The following DPP10 variants were observed in gnomAD, a reference collection of about 807,000 sequenced individuals.
DPP10 encodes dipeptidyl peptidase like 10.
DPP10 carries 33 observed loss-of-function variants against 120.9 expected under a neutral mutation model. The observed-to-expected ratio is 0.27, with a 90% CI of 0.21 to 0.37. DPP10 has a LOEUF of 0.37. Among genes scored for constraint, DPP10 ranks in the 10% least tolerant of loss-of-function variants. The pLI, the probability that DPP10 is intolerant of heterozygous loss-of-function variation, is 1.00. For missense variants in DPP10, 816 were observed against 942.8 expected (o/e 0.87, Z 1.76); for synonymous variants, 337 against 326.1 (o/e 1.03, Z -0.36).
chr2:114,899,884 C>T (rs570430156), intron 1 of DPP10, among the ~76,000 whole-genome samples: 13 of 152,260 alleles, frequency 8.5e-5, no homozygotes, highest in Admixed American at 3.3e-4. Context: ...GGCGTGAACC[C>T]GGGAGGTGGA....
At chr2:114,743,603 C>G (rs1678278159) in intron 1 of DPP10, among the ~76,000 whole-genome samples, 1 of 152,120 alleles carries the variant, frequency 6.6e-6, no homozygotes, top group Non-Finnish European at 1.5e-5. Context: ...GCATCCTTAG[C>G]CTCTCTGTTG....
chr2:114,663,242 G>GTATATA (rs757487003), intron 1 of DPP10, among the ~76,000 whole-genome samples: 4 of 133,972 alleles, frequency 3.0e-5, no homozygotes, highest in South Asian at 4.6e-4. Flanking sequence ...AGCCTTGTGT[G>GTATATA]TGTATATATA....
At chr2:115,840,687 A>G (rs775492775) in intron 24 of DPP10, 63 bp from the exon 25 acceptor site, 17 of 1,479,554 alleles carry the variant, frequency 1.1e-5, no homozygotes, top group Non-Finnish European at 1.5e-5. Flanking sequence ...TTGAAAAATA[A>G]TATGAAAAAG....
At chr2:114,824,607 T>C (rs946288726) in intron 1 of DPP10, among the ~76,000 whole-genome samples, 3 of 151,576 alleles carry the variant, frequency 2.0e-5, no homozygotes, top group African/African-American at 2.4e-5. Context: ...GAGTTCCATG[T>C]TAGTTTTTTT....
intron 5 of DPP10, among the ~76,000 whole-genome samples, chr2:115,532,370 G>C (rs1458331211): frequency 6.6e-6 from 1 of 151,882 alleles, no homozygotes; most frequent in East Asian, 1.9e-4. Context: ...AAAGTCCCTA[G>C]CTTTTCGATT....
At chr2:114,569,251 G>A (rs1465824342) in intron 1 of DPP10, among the ~76,000 whole-genome samples, 1 of 152,058 alleles carries the variant, frequency 6.6e-6, no homozygotes, top group Non-Finnish European at 1.5e-5. Context: ...ATGAGGAGCT[G>A]GTAAGGGACA....
intron 1 of DPP10, among the ~76,000 whole-genome samples, chr2:114,911,395 C>T (rs1168626789): frequency 6.6e-6 from 1 of 152,076 alleles, no homozygotes; most frequent in Non-Finnish European, 1.5e-5. Flanking sequence ...AGTCATGGTG[C>T]TTAACACTAA....
rs1193765129 is a variant in DPP10, at chr2:114,497,301, ACGTG to A, written c.60+54464_60+54467del. ...TATACGTGTATACATGTACATGTAT[ACGTG>A]TATACATGTACATGTATACGTGTAT... On this transcript the variant is annotated intron_variant, in intron 1 of 25. Transcript: ENST00000410059. Among the ~76,000 whole-genome samples, 21 of 49,026 alleles carry A rather than the reference ACGTG, an allele frequency of 4.3e-4. 1 individual carries two copies. The highest frequency in any genetic ancestry group is 1.5e-3 in the African/African-American group (21 of 13,980). The allele number at this position is 49,026 out of a possible 152,430, so 32.2% of individuals were successfully genotyped here. A position where few individuals can be genotyped will look rare whatever the true frequency, so the allele number is the denominator to read the frequency against.
At chr2:115,607,048 C>CCTACCAAAAGG (rs2083748322) in intron 5 of DPP10, among the ~76,000 whole-genome samples, 2 of 151,964 alleles carry the variant, frequency 1.3e-5, no homozygotes. Context: ...GGCAAGGATC[C>CCTACCAAAAGG]TAGGAAGAAA....
At chr2:115,377,845 C>T (rs1218735001) in intron 3 of DPP10, among the ~76,000 whole-genome samples, 5 of 152,084 alleles carry the variant, frequency 3.3e-5, no homozygotes, top group Non-Finnish European at 7.3e-5. Flanking sequence ...TCAGGTTTGT[C>T]AAAGATCAGA....
intron 3 of DPP10, among the ~76,000 whole-genome samples, chr2:115,435,405 T>C (rs1423221835): frequency 6.6e-6 from 1 of 151,874 alleles, no homozygotes; most frequent in East Asian, 1.9e-4. Context: ...TGTGATGAGA[T>C]GGTGTCTCAT....
chr2:115,225,471 A>G (rs761309267), intron 1 of DPP10, among the ~76,000 whole-genome samples: 4 of 149,640 alleles, frequency 2.7e-5, no homozygotes, highest in Non-Finnish European at 3.0e-5. Flanking sequence ...AAACACTTAT[A>G]TATTGAAGTC....
At chr2:115,759,529 A>G (rs1679840167) in intron 11 of DPP10, among the ~76,000 whole-genome samples, 1 of 152,198 alleles carries the variant, frequency 6.6e-6, no homozygotes, top group Non-Finnish European at 1.5e-5. Context: ...TAACTGTTAA[A>G]GAGGACGTGA....
chr2:114,606,200 A>G (rs191034088), intron 1 of DPP10, among the ~76,000 whole-genome samples: 5 of 152,246 alleles, frequency 3.3e-5, no homozygotes, highest in African/African-American at 1.2e-4. Context: ...TATACACTTA[A>G]TAAGCCTTTA....
At chr2:115,051,330 A>T (rs532282487) in intron 1 of DPP10, among the ~76,000 whole-genome samples, 10 of 152,194 alleles carry the variant, frequency 6.6e-5, no homozygotes, top group Non-Finnish European at 1.3e-4. Flanking sequence ...TTAAGAAATG[A>T]ATCAAGTAGA....
chr2:115,601,451 C>T (rs1440165702), intron 5 of DPP10, among the ~76,000 whole-genome samples: 2 of 152,020 alleles, frequency 1.3e-5, no homozygotes, highest in East Asian at 3.9e-4. Context: ...CAGATAATGC[C>T]AAGTCTGGGA....
chr2:115,812,572 A>G (rs1224306255), intron 19 of DPP10, among the ~76,000 whole-genome samples: 4 of 152,208 alleles, frequency 2.6e-5, no homozygotes, highest in Non-Finnish European at 4.4e-5. Context: ...ATAAATTTCA[A>G]ATGATCTGAT....
intron 3 of DPP10, among the ~76,000 whole-genome samples, chr2:115,461,122 A>C (rs1301637842): frequency 6.6e-6 from 1 of 152,200 alleles, no homozygotes; most frequent in African/African-American, 2.4e-5. Flanking sequence ...GTTGAGAATA[A>C]AAAGATGAAT....
rs549425548 is a variant in DPP10, at chr2:114,966,738, TTAG to T, written c.61-342499_61-342497del. 3.5e-3 allele frequency among the ~76,000 whole-genome samples: 540 copies of T among 152,206 alleles called. 2 individuals carry two copies. Among genetic ancestry groups the T allele is most frequent in the Non-Finnish European group, 6.0e-3 (407 of 67,996 alleles). Reference sequence around the variant, plus strand: ...AGGTGGAGGCAAAATCATGATAAAGTTAGTTTAAGAATACAAGAGAAGGCTGGG... The same window carrying T: ...AGGTGGAGGCAAAATCATGATAAAGTTTTAAGAATACAAGAGAAGGCTGGG... On this transcript the variant is annotated intron_variant, in intron 1 of 25. Transcript: ENST00000410059.
Sources: allele counts gnomAD v4.1 joint callset (sites outside exome capture counted in the v4.1 genomes callset), GRCh38; gene constraint gnomAD v4.1.1; transcripts MANE v1.5; gene names NCBI Gene and HGNC (gene_info 2026-07-23, HGNC 2026-07-21).